The following UTRN variants were observed in gnomAD, a reference collection of about 807,000 sequenced individuals.
The protein encoded by UTRN is dystrophin-related protein 1.
Under a neutral mutation model 463.9 loss-of-function variants are expected in UTRN, and 283 were observed. The observed-to-expected ratio is 0.61, with a 90% CI of 0.55 to 0.67. The LOEUF (loss-of-function observed/expected upper bound fraction) is 0.67. Among genes scored for constraint, UTRN ranks in the 30% least tolerant of loss-of-function variants. UTRN has a pLI of 0.00. For synonymous variants in UTRN, 1,442 were observed against 1,431.5 expected, an observed-to-expected ratio of 1.01 and a Z score of -0.17; for missense variants, 3,922 against 4,084.3, an observed-to-expected ratio of 0.96 and a Z score of 1.08.
At chr6:144,474,947 C>G (rs72999714) in intron 25 of UTRN, among the ~76,000 whole-genome samples, 188 bp downstream of exon 25, 1 of 152,138 alleles carries the variant, frequency 6.6e-6, no homozygotes, top group Non-Finnish European at 1.5e-5. Context: ...TGCTGATTGT[C>G]CAGTTTGGCT....
At chr6:144,451,088 G>T (rs1788245805) in intron 17 of UTRN, among the ~76,000 whole-genome samples, 1 of 152,004 alleles carries the variant, frequency 6.6e-6, no homozygotes, top group Non-Finnish European at 1.5e-5. Context: ...CTCAAGCCTG[G>T]GTGACAGGGC....
rs552023183 is a variant in UTRN at position 144,369,409 on chromosome 6, G to T, written c.80-33714G>T. Among the ~76,000 whole-genome samples the T allele has an allele frequency of 1.4e-4, 21 of 152,338 alleles. No homozygotes were observed. The South Asian group carries it at 3.9e-3, about 29-fold the overall frequency. ...TGAAGTGGGCAGATCACGAGGTCAA[G>T]AGATCGAGACCATCCTGGCCAACAT... On this transcript the variant is annotated intron_variant, in intron 2 of 74. Coordinates refer to ENST00000367545, the MANE Select transcript of UTRN (RefSeq NM_007124.3).
rs147024681 is a variant in UTRN at position 144,619,882 on chromosome 6, G to C, written c.7479+42594G>C. 6.2e-3 allele frequency among the ~76,000 whole-genome samples: 947 copies of C among 152,278 alleles called. 3 individuals are homozygous for C. Among genetic ancestry groups the C allele is most frequent in the Non-Finnish European group, 0.01 (697 of 68,006 alleles). ...AAATAAGGAAGCATTTTAAAACCAG[G>C]TGGATGATTCAACACTAGACCACCC... On this transcript the variant is annotated intron_variant, in intron 51 of 74. Coordinates refer to ENST00000367545, the MANE Select transcript of UTRN (RefSeq NM_007124.3).
In UTRN at chr6:144,474,760, G is replaced by A; in HGVS notation, c.3336+1G>A. On this transcript the variant is annotated splice_donor_variant, in intron 25 of 74. Coordinates refer to ENST00000367545, the MANE Select transcript of UTRN (RefSeq NM_007124.3). LOFTEE classifies it high-confidence loss of function. ...TCAACTGGAGAAACTTAGCAAGGAG[G>A]TGAGTTTTTCAACTTTACTACCTAC... The A allele has an allele frequency of 6.2e-7, 1 of 1,611,350 alleles. No homozygotes were observed. Among genetic ancestry groups the A allele is most frequent in the East Asian group, 2.2e-5 (1 of 44,812 alleles).
rs543580559 is a variant in UTRN, at chr6:144,414,098, G to A, written c.142-7780G>A. 6.6e-5 allele frequency among the ~76,000 whole-genome samples: 10 copies of A among 151,804 alleles called. No individual in the cohort carries two copies. The South Asian group carries it at 1.9e-3, about 28-fold the overall frequency. ...TTGCAGGTGTGAGCCACTGTGTCTG[G>A]TCCATTATTTTAGAGGGTACTCCTA... On this transcript the variant is annotated intron_variant, in intron 3 of 74. Coordinates refer to ENST00000367545, the MANE Select transcript of UTRN (RefSeq NM_007124.3).
chr6:144,326,794 A>C (rs73780528), intron 2 of UTRN, among the ~76,000 whole-genome samples: 2,841 of 152,252 alleles, frequency 0.019, 87 homozygotes, highest in African/African-American at 0.065. Flanking sequence ...GATCTGGTAG[A>C]TGCTTTAAGG....
chr6:144,427,639 A>G (rs1785408600), intron 7 of UTRN, among the ~76,000 whole-genome samples: 1 of 152,132 alleles, frequency 6.6e-6, no homozygotes, highest in Non-Finnish European at 1.5e-5. Flanking sequence ...CATAAGAATG[A>G]TAGTTTTTGT....
chr6:144,420,767 T>C (rs1259690555), intron 3 of UTRN, among the ~76,000 whole-genome samples: 1 of 152,116 alleles, frequency 6.6e-6, no homozygotes, highest in Non-Finnish European at 1.5e-5. Flanking sequence ...CGTACTCCCA[T>C]AATGGAAAGG....
chr6:144,549,994 A>G (rs1585224949), intron 47 of UTRN, among the ~76,000 whole-genome samples: 1 of 152,328 alleles, frequency 6.6e-6, no homozygotes, highest in East Asian at 1.9e-4. Flanking sequence ...CTGCTTTAGT[A>G]GAAGACTAGG....
In UTRN at chr6:144,423,567, A is replaced by C; in HGVS notation, c.253A>C (p.Thr85Pro). ...TTTCCAGCCAAAGGAACGTGGTTCC[A>C]CAAGGGTACATGCCTTAAATAACGT... ...GTSLPKERGS[T>P]RVHALNNVNR... is the part of the protein sequence containing the mutation. The change falls in exon 5 of 75, where the codon ACA becomes CCA. Residue 85 changes from threonine to proline, a missense_variant. By Grantham distance (38) the Thr-to-Pro change is conservative (BLOSUM62 -1). This residue lies in a region of UTRN where 264 missense variants were observed against 327.9 expected (regional missense o/e 0.81). Transcript: ENST00000367545. 6.2e-7 allele frequency: 1 copy of C among 1,614,238 alleles called. No homozygotes were observed. Among genetic ancestry groups the C allele is most frequent in the South Asian group, 1.1e-5 (1 of 91,082 alleles).
At chr6:144,473,900 G>A in intron 24 of UTRN, 67 bp downstream of exon 24, 2 of 1,137,410 alleles carry the variant, frequency 1.8e-6, no homozygotes. Flanking sequence ...GTTATTTGCT[G>A]CTATTATTAA....
chr6:144,799,767 GACTC>G (rs1217046629), intron 64 of UTRN, among the ~76,000 whole-genome samples: 1 of 152,172 alleles, frequency 6.6e-6, no homozygotes. Flanking sequence ...AAGGAACTAA[GACTC>G]CAAGATTAGT....
intron 58 of UTRN, among the ~76,000 whole-genome samples, chr6:144,760,018 A>T (rs947763981): frequency 6.6e-6 from 1 of 152,174 alleles, no homozygotes; most frequent in African/African-American, 2.4e-5. Flanking sequence ...AATAAAAAAA[A>T]TTAAATATCT....
At position 144,403,120 on chromosome 6, in the gene UTRN, C is replaced by T. The variant is rs1376709583; in HGVS notation, c.80-3C>T. The T allele has an allele frequency of 2.5e-6, 4 of 1,612,778 alleles. No individual in the cohort carries two copies. The East Asian group carries it at 8.9e-5, about 36-fold the overall frequency. On this transcript the variant is annotated splice_region_variant and splice_polypyrimidine_tract_variant and intron_variant, in intron 2 of 74. Coordinates refer to ENST00000367545, the MANE Select transcript of UTRN (RefSeq NM_007124.3). ...TCCTTCTCTTTCTTTTTCCATTCCA[C>T]AGATGAACACAATGACGTACAGAAG...
intron 58 of UTRN, among the ~76,000 whole-genome samples, chr6:144,768,240 A>G (rs1189725807): frequency 7.4e-6 from 1 of 135,696 alleles, no homozygotes; most frequent in Non-Finnish European, 1.5e-5. Flanking sequence ...TATCAGTGTT[A>G]TATTGTTATG....
chr6:144,377,552 A>G (rs979908084), intron 2 of UTRN, among the ~76,000 whole-genome samples: 2 of 152,138 alleles, frequency 1.3e-5, no homozygotes, highest in African/African-American at 4.8e-5. Context: ...TGTGTGTATG[A>G]ATGCAGGTGG....
intron 50 of UTRN, among the ~76,000 whole-genome samples, chr6:144,557,550 T>G (rs1399688937): frequency 1.3e-5 from 2 of 152,284 alleles, no homozygotes; most frequent in East Asian, 3.9e-4. Flanking sequence ...TAAATCAGCC[T>G]AAACCTTGCC....
At chr6:144,353,858 A>AACAC (rs1562284082) in intron 2 of UTRN, among the ~76,000 whole-genome samples, 1 of 152,032 alleles carries the variant, frequency 6.6e-6, no homozygotes, top group African/African-American at 2.4e-5. Flanking sequence ...CAAACAAACA[A>AACAC]ACACACACAA....
intron 34 of UTRN, among the ~76,000 whole-genome samples, chr6:144,508,325 G>A (rs1376116006): frequency 6.6e-6 from 1 of 152,228 alleles, no homozygotes; most frequent in African/African-American, 2.4e-5. Context: ...CTAGCTTGGT[G>A]TCTCCCCAAT....
Sources: allele counts gnomAD v4.1 joint callset (sites outside exome capture counted in the v4.1 genomes callset), GRCh38; gene constraint gnomAD v4.1.1; regional missense constraint gnomAD v4.1.1; transcripts MANE v1.5; gene names NCBI Gene and HGNC (gene_info 2026-07-23, HGNC 2026-07-21).